The following DNAH10 variants were observed in gnomAD, a reference collection of about 807,000 sequenced individuals.
DNAH10 encodes axonemal beta dynein heavy chain 10.
Under a neutral mutation model 506.6 loss-of-function variants are expected in DNAH10, and 348 were observed. The observed-to-expected ratio is 0.69, with a 90% CI of 0.63 to 0.75. The LOEUF is 0.75. Among genes scored for constraint, DNAH10 ranks in the 30% least tolerant of loss-of-function variants. The pLI, the probability that DNAH10 is intolerant of heterozygous loss-of-function variation, is 0.00. For missense variants in DNAH10, 5,179 were observed against 5,787.1 expected (o/e 0.89, Z 3.41); for synonymous variants, 2,059 against 2,198.6 (o/e 0.94, Z 1.78).
At position 123,929,389 on chromosome 12, in the gene DNAH10, G is replaced by GTGCTGGCGTTCTTTCA. The variant is rs756632338; in HGVS notation, c.12427_12442dup (p.Val4148GlyfsTer23). 1.7e-5 allele frequency: 27 copies of GTGCTGGCGTTCTTTCA among 1,613,306 alleles called. No homozygotes were observed. The highest frequency in any genetic ancestry group is 2.3e-5 in the Non-Finnish European group (27 of 1,179,652). On this transcript the variant is annotated frameshift_variant, in exon 71 of 79. Transcript: ENST00000673944. LOFTEE classifies it high-confidence loss of function. ...CCCTGCCTTCAAGCCGCTGGTCTAC[G>GTGCTGGCGTTCTTTCA]TGCTGGCGTTCTTTCATGCTGTGGT...
At chr12:123,808,980 G>A in intron 19 of DNAH10, 27 bp downstream of exon 19, 1 of 1,612,678 alleles carries the variant, frequency 6.2e-7, no homozygotes, top group Non-Finnish European at 8.5e-7. Flanking sequence ...TTGTGTCCTT[G>A]CTCAGACGGC....
chr12:123,875,593 CTCAATACTTTTAAGGGCCT>C, intron 47 of DNAH10, 102 bp downstream of exon 47: 1 of 1,411,820 alleles, frequency 7.1e-7, no homozygotes, highest in Non-Finnish European at 9.7e-7. Flanking sequence ...GGTTAGGGCC[CTCAATACTTTTAAGGGCCT>C]ATGAAAATGT....
chr12:123,876,987 G>T (rs185313303), intron 47 of DNAH10, among the ~76,000 whole-genome samples: 2 of 152,092 alleles, frequency 1.3e-5, no homozygotes, highest in African/African-American at 2.4e-5. Flanking sequence ...CACAAAATTC[G>T]TTATTATAGC....
At position 123,837,073 on chromosome 12, in the gene DNAH10, A is replaced by G. The variant is rs372015885; in HGVS notation, c.4903-1383A>G. ...TCACCGTGTTAGCCAGGATGGTCTCAATCTCCTGACCTCATGATCTGCCCA... is the reference window on the plus strand; with the variant it reads ...TCACCGTGTTAGCCAGGATGGTCTCGATCTCCTGACCTCATGATCTGCCCA... On this transcript the variant is annotated intron_variant, in intron 28 of 78. Transcript: ENST00000673944. Among the ~76,000 whole-genome samples the G allele has an allele frequency of 1.4e-3, 214 of 151,014 alleles. 1 individual carries two copies. The highest frequency in any genetic ancestry group is 6.9e-3 in the East Asian group (35 of 5,078).
chr12:123,894,266 T>C (rs1262216491), intron 53 of DNAH10, among the ~76,000 whole-genome samples: 2 of 151,636 alleles, frequency 1.3e-5, no homozygotes, highest in Non-Finnish European at 2.9e-5. Flanking sequence ...GCTGATTTTT[T>C]TTTTCTTTGA....
At chr12:123,767,466 C>T (rs567202078) in intron 1 of DNAH10, 140 bp from the exon 2 acceptor site, 18 of 739,394 alleles carry the variant, frequency 2.4e-5, no homozygotes, top group East Asian at 1.6e-4. Flanking sequence ...GTAAGGAATA[C>T]TGCTGTACCA....
chr12:123,818,803 A>G, intron 21 of DNAH10, 147 bp from the exon 22 acceptor site: 1 of 613,506 alleles, frequency 1.6e-6, no homozygotes, highest in Non-Finnish European at 2.9e-6. Flanking sequence ...TGGCCTTAAT[A>G]TTTCAATCAG....
At chr12:123,915,974 T>C (rs77745300) in intron 62 of DNAH10, among the ~76,000 whole-genome samples, 4 of 152,252 alleles carry the variant, frequency 2.6e-5, no homozygotes, top group Admixed American at 6.5e-5. Context: ...CTCATTTTTT[T>C]CTGGTCCTTG....
chr12:123,909,510 G>C lies in DNAH10; in HGVS notation c.9997+68G>C, dbSNP rs1181940889. The stretch of plus-strand genomic sequence containing the variant: ...TCTGGCATCTCAGGCTCTGGGACAG[G>C]GATGGAGGGCAAGGAGGCTTGTCGT... On this transcript the variant is annotated intron_variant, in intron 58 of 78. Transcript: ENST00000673944. This position sits in a 1 kb window ranked among gnomAD's most constrained non-coding sequence, Gnocchi z 5.4. 1 of 1,480,692 alleles carries C rather than the reference G, an allele frequency of 6.8e-7. No individual in the cohort carries two copies. Among genetic ancestry groups the C allele is most frequent in the Non-Finnish European group, 9.0e-7 (1 of 1,109,898 alleles). 91.7% of individuals were successfully genotyped at this position (1,480,692 alleles called of 1,614,324 possible). A position where few individuals can be genotyped will look rare whatever the true frequency, so the allele number is the denominator to read the frequency against.
chr12:123,931,886 C>T lies in DNAH10; in HGVS notation c.13128+39C>T, dbSNP rs180780187. 18 of 1,612,596 alleles carry T rather than the reference C, an allele frequency of 1.1e-5. No homozygotes were observed. In the East Asian group the frequency reaches 1.6e-4, roughly 14 times the overall value. On this transcript the variant is annotated intron_variant, in intron 75 of 78. Transcript: ENST00000673944. ...TCATGTGCAGATTACTGCCTAGATA[C>T]GTGGCACCTGGGGTTCTGATAGAGT...
At chr12:123,879,835 C>T (rs1360671749) in intron 50 of DNAH10, 34 bp downstream of exon 50, 2 of 1,603,636 alleles carry the variant, frequency 1.2e-6, no homozygotes, top group Non-Finnish European at 1.7e-6. Flanking sequence ...CATGGGCTCA[C>T]TTTCTCCTGA....
intron 39 of DNAH10, among the ~76,000 whole-genome samples, chr12:123,862,563 C>CT (rs1360894127): frequency 5.3e-5 from 8 of 151,596 alleles, no homozygotes; most frequent in South Asian, 2.1e-4. Flanking sequence ...CTAATTTTTG[C>CT]TTTTTTTTGT....
At position 123,871,454 on chromosome 12, in the gene DNAH10, T is replaced by C. The variant is rs1181982679; in HGVS notation, c.7640-3T>C. 6.3e-7 allele frequency: 1 copy of C among 1,586,924 alleles called. No individual in the cohort carries two copies. The highest frequency in any genetic ancestry group is 8.6e-7 in the Non-Finnish European group (1 of 1,165,212). On this transcript the variant is annotated splice_polypyrimidine_tract_variant and splice_region_variant and intron_variant, in intron 44 of 78. Coordinates refer to ENST00000673944, the MANE Select transcript of DNAH10 (RefSeq NM_001372106.1). Reference sequence around the variant, plus strand: ...ATGCCCCTGTTCCTAATGTCTACTTTAGTTCACACAGTGGATACCACTCGG... The same window carrying C: ...ATGCCCCTGTTCCTAATGTCTACTTCAGTTCACACAGTGGATACCACTCGG...
chr12:123,881,723 C>A lies in DNAH10; in HGVS notation c.8733C>A (p.Arg2911=), dbSNP rs1001947040. The change falls in exon 51 of 79, where the codon CGC becomes CGA. Residue 2911 remains arginine (R), a synonymous_variant. Coordinates refer to ENST00000673944, the MANE Select transcript of DNAH10 (RefSeq NM_001372106.1). The part of the protein sequence containing the change: ...EHLTRVHRII[R]MDRGHALLVG... ...TAACCCGGGTGCACCGTATCATCCG[C>A]ATGGACCGCGGCCACGCCCTGCTGG... 59 of 1,549,258 alleles carry A rather than the reference C, an allele frequency of 3.8e-5. No homozygotes were observed. The highest frequency in any genetic ancestry group is 6.9e-5 in the African/African-American group (5 of 72,894).
chr12:123,935,185 G>T, intron 78 of DNAH10, 150 bp from the exon 79 acceptor site: 1 of 901,574 alleles, frequency 1.1e-6, no homozygotes, highest in Non-Finnish European at 1.7e-6. Flanking sequence ...AGCTGGCGGA[G>T]GGTGGCCCTG....
At chr12:123,788,085 G>A (rs1957934015) in intron 10 of DNAH10, 83 bp downstream of exon 10, 16 of 1,489,450 alleles carry the variant, frequency 1.1e-5, no homozygotes. Flanking sequence ...TGTCAGGTAG[G>A]AGCTGGGCGT....
intron 3 of DNAH10, among the ~76,000 whole-genome samples, chr12:123,772,384 C>T (rs1565884885): frequency 6.6e-6 from 1 of 152,190 alleles, no homozygotes; most frequent in Admixed American, 6.5e-5. Context: ...GAGCCGAAGG[C>T]CGGTTCTGAA....
intron 78 of DNAH10, 27 bp downstream of exon 78, chr12:123,934,793 A>T: frequency 6.2e-7 from 1 of 1,612,258 alleles, no homozygotes; most frequent in South Asian, 1.1e-5. Context: ...CTCCTCTCTG[A>T]CACCAGGGCC....
chr12:123,844,574 G>A (rs916611022), intron 30 of DNAH10, among the ~76,000 whole-genome samples: 2 of 152,196 alleles, frequency 1.3e-5, no homozygotes, highest in Non-Finnish European at 2.9e-5. Flanking sequence ...AAATTCAAAA[G>A]CGTGTTACAA....
Sources: gnomAD v4.1 joint callset for allele counts (sites outside exome capture counted in the v4.1 genomes callset) on GRCh38, gnomAD v4.1.1 for gene constraint, Gnocchi (gnomAD v3.1) non-coding constraint, MANE v1.5 for transcripts, NCBI Gene and HGNC (gene_info 2026-07-23, HGNC 2026-07-21) for gene names.